Variants in RGS12 observed in about 807,000 individuals in gnomAD.
RGS12 encodes regulator of G-protein signaling 12.
In RGS12, 66 loss-of-function variants were observed where a neutral mutation model predicts 120.1. That is an observed-to-expected ratio of 0.55 (90% CI 0.45 to 0.67). RGS12 has a LOEUF of 0.67. RGS12 is among the 30% of genes least tolerant of loss of function. The pLI is 0.00. For synonymous variants in RGS12, 827 were observed against 804.7 expected (o/e 1.03, Z -0.47); for missense variants, 1,859 against 1,957.7 (o/e 0.95, Z 0.95).
intron 3 of RGS12, among the ~76,000 whole-genome samples, chr4:3,346,865 C>T (rs187953172): frequency 1.0e-3 from 153 of 152,274 alleles, no homozygotes; most frequent in African/African-American, 3.1e-3. Context: ...TTTACTTACC[C>T]GCTGTAAGTC....
At chr4:3,388,606 G>A (rs909747464) in intron 4 of RGS12, among the ~76,000 whole-genome samples, 3 of 141,040 alleles carry the variant, frequency 2.1e-5, no homozygotes, top group Admixed American at 2.1e-4. Context: ...GCCTCCACAC[G>A]CCCAGCCCCA....
intron 1 of RGS12, among the ~76,000 whole-genome samples, chr4:3,300,123 C>T (rs960755619): frequency 6.6e-6 from 1 of 152,216 alleles, no homozygotes; most frequent in Non-Finnish European, 1.5e-5. Context: ...TCACCATTAG[C>T]GATGGTGCTG....
intron 17 of RGS12, among the ~76,000 whole-genome samples, chr4:3,438,320 C>T (rs1169596161): frequency 6.6e-6 from 1 of 152,066 alleles, no homozygotes; most frequent in African/African-American, 2.4e-5. Flanking sequence ...AGGAACCTGC[C>T]CCCGAAGCCT....
At chr4:3,309,995 G>A (rs55654819) in intron 1 of RGS12, among the ~76,000 whole-genome samples, 11 of 135,952 alleles carry the variant, frequency 8.1e-5, no homozygotes, top group African/African-American at 2.8e-4. Context: ...GCAGGTGTCC[G>A]CTGAGGGGAA....
rs765150204 is a variant in RGS12, at chr4:3,430,878, G to A, written c.4037G>A (p.Gly1346Glu). The change falls in exon 17 of 18, where the codon GGG (glycine) becomes GAG (glutamate). Residue 1346 changes from glycine (G) to glutamate (E), a missense_variant. Around this residue, in one of 3 missense-constraint regions of RGS12, gnomAD observed 517 missense variants for 488.5 expected, o/e 1.06. Transcript: ENST00000336727. ...HVAELTLMGE[G>E]DISSPNSTLL... Reference sequence around the variant, plus strand: ...GCCGAGCTGACCCTGATGGGGGAGGGGGACATCAGCAGCCCCAACAGCACC... The same window carrying A: ...GCCGAGCTGACCCTGATGGGGGAGGAGGACATCAGCAGCCCCAACAGCACC... The A allele has an allele frequency of 1.2e-6, 2 of 1,612,544 alleles. No homozygotes were observed.
intron 2 of RGS12, among the ~76,000 whole-genome samples, chr4:3,334,347 T>C (rs1712208509): frequency 6.6e-6 from 1 of 152,258 alleles, no homozygotes; most frequent in East Asian, 1.9e-4. Context: ...TGATTGATTT[T>C]CAAATAATAG....
At chr4:3,291,764 G>A (rs557827546), upstream of RGS12, among the ~76,000 whole-genome samples, 7 of 152,140 alleles carry the variant, frequency 4.6e-5, no homozygotes, top group Non-Finnish European at 1.0e-4. Context: ...CGCTCTGGCC[G>A]CGCTCCTTCA....
At chr4:3,363,723 G>C (rs1203210768) in intron 3 of RGS12, among the ~76,000 whole-genome samples, 1 of 152,214 alleles carries the variant, frequency 6.6e-6, no homozygotes, top group Non-Finnish European at 1.5e-5. Flanking sequence ...GGCGGGAACA[G>C]CCCAAAGACC....
chr4:3,425,580 C>A lies in RGS12; in HGVS notation c.3331+20C>A. 1 of 1,459,866 alleles carries A rather than the reference C, an allele frequency of 6.8e-7. No homozygotes were observed. Among genetic ancestry groups the A allele is most frequent in the Non-Finnish European group, 9.2e-7 (1 of 1,087,338 alleles). 90.4% of individuals were successfully genotyped at this position (1,459,866 alleles called of 1,614,324 possible). ...GAAAGGGTGAGTAGGGCTGGTGCAGCGGATGGGGAGAGGGTGAGTGGGTCC... is the reference window on the plus strand; with the variant it reads ...GAAAGGGTGAGTAGGGCTGGTGCAGAGGATGGGGAGAGGGTGAGTGGGTCC... On this transcript the variant is annotated intron_variant, in intron 14 of 17. Transcript: ENST00000336727.
intron 1 of RGS12, chr4:3,314,338 CTT>C (rs1276277150): frequency 6.6e-6 from 1 of 152,170 alleles, no homozygotes; most frequent in Non-Finnish European, 1.5e-5. Flanking sequence ...TTGCTGGAAA[CTT>C]TATCCCAAGA....
chr4:3,439,731 C>T lies in RGS12; in HGVS notation c.*47C>T. 1 of 1,443,020 alleles carries T rather than the reference C, an allele frequency of 6.9e-7. No individual in the cohort carries two copies. Among genetic ancestry groups the T allele is most frequent in the South Asian group, 1.5e-5 (1 of 68,094 alleles). 89.4% of individuals were successfully genotyped at this position (1,443,020 alleles called of 1,614,324 possible). On this transcript the variant is annotated 3_prime_UTR_variant, in exon 18 of 18. Transcript: ENST00000336727. ...CTCCTGTGGACATGTCGGGGTGGGG[C>T]AGCCCAGGTGGATTCTGTGGGCCTC... is the stretch of plus-strand genomic sequence containing the variant.
chr4:3,321,253 T>G (rs1725166075), intron 2 of RGS12, among the ~76,000 whole-genome samples: 2 of 152,172 alleles, frequency 1.3e-5, no homozygotes, highest in Admixed American at 1.3e-4. Flanking sequence ...GAGGCTTAGA[T>G]ACCCAGAGTA....
rs1264990079 is a variant in RGS12 at position 3,317,341 on chromosome 4, C to T, written c.1171C>T (p.Arg391Ter). ...PVLQFISVLY[R>*]DMGELIEGMR... ...CCTGCAGTTCATCTCTGTCCTGTAC[C>T]GAGACATGGGTGAGCTGATTGAGGG... is the stretch of plus-strand genomic sequence containing the variant. The change falls in exon 2 of 18, where the codon CGA (arginine) becomes TGA (stop). Residue 391 changes from arginine to a stop codon, truncating the protein, a stop_gained. Coordinates refer to ENST00000336727, the MANE Select transcript of RGS12 (RefSeq NM_001394154.1). LOFTEE classifies it high-confidence loss of function. 5.0e-6 allele frequency: 8 copies of T among 1,614,108 alleles called. No individual in the cohort carries two copies. The highest frequency in any genetic ancestry group is 1.1e-5 in the South Asian group (1 of 91,076).
At chr4:3,300,224 C>T (rs1364006618) in intron 1 of RGS12, among the ~76,000 whole-genome samples, 7 of 152,174 alleles carry the variant, frequency 4.6e-5, no homozygotes, top group Admixed American at 2.6e-4. Context: ...GGTCTGGCCC[C>T]CACTGTGTGC....
intron 9 of RGS12, chr4:3,417,916 G>A (rs2109129760): frequency 1.0e-5 from 2 of 194,098 alleles, no homozygotes; most frequent in South Asian, 1.3e-4. Flanking sequence ...GTAAAAATAG[G>A]AACACACAAA....
In RGS12 at chr4:3,317,227, C is replaced by G. The variant is rs1235250512; in HGVS notation, c.1057C>G (p.Gln353Glu). The G allele has an allele frequency of 1.9e-6, 3 of 1,614,056 alleles. No homozygotes were observed. Among genetic ancestry groups the G allele is most frequent in the Non-Finnish European group, 2.5e-6 (3 of 1,180,044 alleles). ...DPDLFNHKIH[Q>E]GIARRFGFEC... Reference sequence around the variant, plus strand: ...AGACTTGTTTAATCACAAGATCCACCAAGGCATTGCTCGGCGGTTTGGGTT... The same window carrying G: ...AGACTTGTTTAATCACAAGATCCACGAAGGCATTGCTCGGCGGTTTGGGTT... Residue 353 changes from glutamine (Q) to glutamate (E), a missense_variant, in exon 2 of 18, where the codon CAA (glutamine) becomes GAA (glutamate). Gln to Glu is a conservative substitution (Grantham distance 29, BLOSUM62 2). Coordinates refer to ENST00000336727, the MANE Select transcript of RGS12 (RefSeq NM_001394154.1).
At chr4:3,301,723 C>T (rs570576538) in intron 1 of RGS12, among the ~76,000 whole-genome samples, 1 of 151,726 alleles carries the variant, frequency 6.6e-6, no homozygotes, top group East Asian at 1.9e-4. Flanking sequence ...CTTTACCTGC[C>T]ACTGTGGGTT....
intron 17 of RGS12, 59 bp downstream of exon 17, chr4:3,431,014 C>T (rs1226500759): frequency 6.3e-7 from 1 of 1,580,776 alleles, no homozygotes; most frequent in Admixed American, 1.7e-5. Flanking sequence ...GCTCAGCTTC[C>T]AGTCAGAAAG....
intron 2 of RGS12, among the ~76,000 whole-genome samples, chr4:3,331,284 A>C (rs757007340): frequency 6.6e-6 from 1 of 152,232 alleles, no homozygotes; most frequent in Non-Finnish European, 1.5e-5. Context: ...AAACACTCCA[A>C]ATGGGTAATA....
Sources: gnomAD v4.1 joint callset for allele counts (sites outside exome capture counted in the v4.1 genomes callset) on GRCh38, gnomAD v4.1.1 for gene constraint, gnomAD v4.1.1 regional missense constraint, MANE v1.5 for transcripts, NCBI Gene and HGNC (gene_info 2026-07-23, HGNC 2026-07-21) for gene names.